Variants in ITPR1 observed in about 807,000 individuals in gnomAD.
The protein encoded by ITPR1 is inositol 1,4,5-trisphosphate-gated calcium channel ITPR1.
ITPR1 carries 96 observed loss-of-function variants against 318.4 expected under a neutral mutation model. The observed-to-expected ratio is 0.30, with a 90% CI of 0.26 to 0.36. The LOEUF (loss-of-function observed/expected upper bound fraction) is 0.36. Ranked by LOEUF, ITPR1 falls within the 10% of genes least tolerant of loss-of-function variation. The probability of loss-of-function intolerance (pLI) is 1.00; values close to 1 mark genes in which losing one functional copy is unlikely to be tolerated. For missense variants in ITPR1, 2,440 were observed against 3,460.2 expected (o/e 0.71, Z 7.40); for synonymous variants, 1,312 against 1,289.9 (o/e 1.02, Z -0.37).
At position 4,673,913 on chromosome 3, in the gene ITPR1, C is replaced by G. The variant is rs77843609; in HGVS notation, c.2457-289C>G. Among the ~76,000 whole-genome samples the G allele has an allele frequency of 3.2e-3, 486 of 152,262 alleles. 2 individuals are homozygous for G. The highest frequency in any genetic ancestry group is 0.011 in the African/African-American group (473 of 41,538). ...GTATTTTTTATATCTCATTTATCTC[C>G]TCTTTCATTCTGCAAATATTTAAGT... On this transcript the variant is annotated intron_variant, in intron 21 of 61. Coordinates refer to ENST00000649015, the MANE Select transcript of ITPR1 (RefSeq NM_001378452.1).
At chr3:4,842,314 C>T (rs895485862) in intron 61 of ITPR1, among the ~76,000 whole-genome samples, 1 of 152,218 alleles carries the variant, frequency 6.6e-6, no homozygotes, top group African/African-American at 2.4e-5. Flanking sequence ...AACAGCATTA[C>T]TACAACTGTT....
At chr3:4,836,603 GAT>G (rs1361689781) in intron 60 of ITPR1, among the ~76,000 whole-genome samples, 169 bp from the exon 61 acceptor site, 1 of 151,946 alleles carries the variant, frequency 6.6e-6, no homozygotes, top group Non-Finnish European at 1.5e-5. Flanking sequence ...CAATTAAAAA[GAT>G]AGCTACTGAG....
chr3:4,710,445 A>G lies in ITPR1; in HGVS notation c.4963A>G (p.Lys1655Glu). Residue 1655 changes from lysine to glutamate, a missense_variant, in exon 38 of 62, where the codon AAA becomes GAA. Physicochemically the swap from Lys to Glu is moderately conservative, Grantham distance 56. This residue lies in a region of ITPR1 where 166 missense variants were observed against 246.5 expected (regional missense o/e 0.67). Transcript: ENST00000649015. The surrounding 1 kb of genome is among the most constrained non-coding windows in gnomAD (Gnocchi z 4.2). The stretch of plus-strand genomic sequence containing the variant: ...CCCAGAGAACACAGACGCCAGAAGG[A>G]AATGTGAAAGTGGCGGTTTCATTTG... The part of the protein sequence containing the change: ...LFPENTDARR[K>E]CESGGFICKL... 1 of 1,554,146 alleles carries G rather than the reference A, an allele frequency of 6.4e-7. No homozygotes were observed. Among genetic ancestry groups the G allele is most frequent in the East Asian group, 2.4e-5 (1 of 41,172 alleles).
At chr3:4,736,777 T>A (rs1409970428) in intron 44 of ITPR1, among the ~76,000 whole-genome samples, 1 of 152,210 alleles carries the variant, frequency 6.6e-6, no homozygotes, top group Non-Finnish European at 1.5e-5. Flanking sequence ...GAAGCAGAGC[T>A]GAAATGCTCC....
chr3:4,647,924 G>T (rs2093498952), intron 10 of ITPR1, among the ~76,000 whole-genome samples: 1 of 152,178 alleles, frequency 6.6e-6, no homozygotes, highest in Non-Finnish European at 1.5e-5. Flanking sequence ...GGCCAAGGTG[G>T]GTGGATCACC....
intron 60 of ITPR1, among the ~76,000 whole-genome samples, chr3:4,832,137 C>A (rs903938174): frequency 1.3e-5 from 2 of 152,088 alleles, no homozygotes; most frequent in African/African-American, 4.8e-5. Flanking sequence ...GGCTCTCCCC[C>A]ACTTCAGTGC....
chr3:4,818,100 T>C lies in ITPR1; in HGVS notation c.7886T>C (p.Phe2629Ser), dbSNP rs2049430052. ...CFICGLERDK[F>S]DNKTVTFEEH... ...TTTTTAGGCTTGGAAAGAGACAAGT[T>C]TGACAACAAGACTGTCACCTTTGAA... The change falls in exon 60 of 62, where the codon TTT becomes TCT. Residue 2629 changes from phenylalanine (F) to serine (S), a missense_variant. Around this residue, in one of 23 missense-constraint regions of ITPR1, gnomAD observed 72 missense variants for 197.7 expected, o/e 0.36. Transcript: ENST00000649015. The C allele has an allele frequency of 6.2e-7, 1 of 1,601,750 alleles. No homozygotes were observed. Among genetic ancestry groups the C allele is most frequent in the African/African-American group, 1.3e-5 (1 of 74,774 alleles).
At chr3:4,652,757 C>A (rs1469155834) in intron 11 of ITPR1, among the ~76,000 whole-genome samples, 6 of 152,124 alleles carry the variant, frequency 3.9e-5, no homozygotes, top group African/African-American at 1.4e-4. Flanking sequence ...CAGTGGCTCA[C>A]ACCTATAATC....
At chr3:4,507,197 GT>G (rs1391820305) in intron 2 of ITPR1, among the ~76,000 whole-genome samples, 1 of 149,108 alleles carries the variant, frequency 6.7e-6, no homozygotes, top group Non-Finnish European at 1.5e-5. Context: ...TCAGTCTGTT[GT>G]TACATCATGT....
At chr3:4,776,898 A>G (rs2046521247) in intron 47 of ITPR1, among the ~76,000 whole-genome samples, 1 of 152,244 alleles carries the variant, frequency 6.6e-6, no homozygotes, top group African/African-American at 2.4e-5. Flanking sequence ...ATACAAAAAG[A>G]GTGCTTTAGA....
chr3:4,832,884 C>A (rs2050617851), intron 60 of ITPR1, among the ~76,000 whole-genome samples: 1 of 152,154 alleles, frequency 6.6e-6, no homozygotes, highest in Non-Finnish European at 1.5e-5. Flanking sequence ...GGCAGAGATG[C>A]CAGGAGCGGC....
chr3:4,739,892 G>T (rs1020938771), intron 44 of ITPR1, among the ~76,000 whole-genome samples: 3 of 152,150 alleles, frequency 2.0e-5, no homozygotes, highest in Non-Finnish European at 2.9e-5. Context: ...TCAGCTGGGG[G>T]TACTGCCTGG....
At chr3:4,833,716 A>G (rs370335538) in intron 60 of ITPR1, among the ~76,000 whole-genome samples, 22 of 152,232 alleles carry the variant, frequency 1.4e-4, no homozygotes, top group African/African-American at 5.1e-4. Context: ...CTGGAGCCTC[A>G]CTGTGCCAGT....
At chr3:4,529,999 T>C (rs1054093929) in intron 4 of ITPR1, among the ~76,000 whole-genome samples, 2 of 152,114 alleles carry the variant, frequency 1.3e-5, no homozygotes, top group African/African-American at 4.8e-5. Flanking sequence ...AATCCTCCTC[T>C]TAACAGCTAC....
At chr3:4,561,047 C>G (rs77467161) in intron 4 of ITPR1, among the ~76,000 whole-genome samples, 4 of 152,144 alleles carry the variant, frequency 2.6e-5, no homozygotes, top group African/African-American at 7.2e-5. Flanking sequence ...GTCCATAGAA[C>G]GAGGAGGAGA....
intron 40 of ITPR1, among the ~76,000 whole-genome samples, chr3:4,720,765 C>G (rs10212373): frequency 0.033 from 4,930 of 151,186 alleles, 275 homozygotes; most frequent in African/African-American, 0.11. Flanking sequence ...CTGCTTCTGC[C>G]GGCAAAAGAT....
chr3:4,585,204 G>A (rs111270149), intron 4 of ITPR1, among the ~76,000 whole-genome samples: 16 of 152,288 alleles, frequency 1.1e-4, no homozygotes, highest in African/African-American at 3.9e-4. Context: ...AATATGCTAG[G>A]TATGTTATGA....
intron 10 of ITPR1, among the ~76,000 whole-genome samples, chr3:4,651,831 T>A (rs1300257000): frequency 6.6e-6 from 1 of 152,200 alleles, no homozygotes; most frequent in African/African-American, 2.4e-5. Context: ...GTAGGTAAAT[T>A]TCAGAATCTG....
chr3:4,742,463 ACCTCACTCAT>A (rs1002927660), intron 44 of ITPR1, among the ~76,000 whole-genome samples: 1 of 151,916 alleles, frequency 6.6e-6, no homozygotes, highest in African/African-American at 2.4e-5. Flanking sequence ...GGCGAAGTCC[ACCTCACTCAT>A]CCCACTGGTT....
Sources: gnomAD v4.1 joint callset for allele counts (sites outside exome capture counted in the v4.1 genomes callset) on GRCh38, gnomAD v4.1.1 for gene constraint, gnomAD v4.1.1 regional missense constraint, Gnocchi (gnomAD v3.1) non-coding constraint, MANE v1.5 for transcripts, NCBI Gene and HGNC (gene_info 2026-07-23, HGNC 2026-07-21) for gene names.